Variants in MYT1L observed in about 807,000 individuals in gnomAD.
The protein encoded by MYT1L is myelin transcription factor 1 like, also known as myelin transcription factor 1-like protein.
Under a neutral mutation model 126.7 loss-of-function variants are expected in MYT1L, and 12 were observed. The observed-to-expected ratio is 0.09, with a 90% CI of 0.06 to 0.15. The LOEUF (loss-of-function observed/expected upper bound fraction) is 0.15. MYT1L is among the 10% of genes least tolerant of loss of function. The pLI, the probability that MYT1L is intolerant of heterozygous loss-of-function variation, is 1.00. For missense variants in MYT1L, 979 were observed against 1,585.2 expected (o/e 0.62, Z 6.49); for synonymous variants, 541 against 604.2 (o/e 0.90, Z 1.53).
chr2:1,943,379 T>C lies in MYT1L; in HGVS notation c.153-45A>G. ...AGGCAGGGGAGAGAGAGAAAAAAAA[T>C]ATCTGTGTTACTGTCTTTTAAAATC... is the stretch of plus-strand genomic sequence containing the variant. On this transcript the variant is annotated intron_variant, in intron 8 of 24. Transcript: ENST00000647738. The surrounding 1 kb of genome is among the most constrained non-coding windows in gnomAD (Gnocchi z 4.4). 2.0e-6 allele frequency: 3 copies of C among 1,482,330 alleles called. No homozygotes were observed. Among genetic ancestry groups the C allele is most frequent in the Non-Finnish European group, 2.7e-6 (3 of 1,118,586 alleles). The allele number at this position is 1,482,330 out of a possible 1,614,324, so 91.8% of individuals were successfully genotyped here. A position where few individuals can be genotyped will look rare whatever the true frequency, so the allele number is the denominator to read the frequency against.
chr2:2,207,300 A>G (rs2093355692), intron 2 of MYT1L, among the ~76,000 whole-genome samples: 1 of 152,182 alleles, frequency 6.6e-6, no homozygotes, highest in African/African-American at 2.4e-5. Flanking sequence ...TATAAAACAC[A>G]CATATAATGC....
chr2:1,883,985 T>C (rs2047886477), intron 18 of MYT1L: 1 of 152,248 alleles, frequency 6.6e-6, no homozygotes, highest in Non-Finnish European at 1.5e-5. Context: ...TGTTTGCTGC[T>C]TTGGGTAAGA....
At chr2:1,896,351 A>C in intron 14 of MYT1L, among the ~76,000 whole-genome samples, 1 of 152,220 alleles carries the variant, frequency 6.6e-6, no homozygotes, top group East Asian at 1.9e-4. Flanking sequence ...CCCAAATGAA[A>C]ATAGATCGTT....
intron 18 of MYT1L, among the ~76,000 whole-genome samples, chr2:1,874,840 G>A (rs972025253): frequency 1.3e-5 from 2 of 152,174 alleles, no homozygotes; most frequent in Non-Finnish European, 2.9e-5. Context: ...CTAGGGCAAC[G>A]GGATTTTCAG....
chr2:2,168,679 T>C (rs981338926), intron 3 of MYT1L, among the ~76,000 whole-genome samples: 6 of 152,272 alleles, frequency 3.9e-5, no homozygotes, highest in South Asian at 2.1e-4. Context: ...CTGAAGTGCT[T>C]TGGATAAAAG....
rs117664345 is a variant in MYT1L, at chr2:2,144,810, C to T, written c.-304+28062G>A. Among the ~76,000 whole-genome samples the T allele has an allele frequency of 4.3e-4, 65 of 152,310 alleles. 1 individual carries two copies. In the East Asian group the frequency reaches 9.5e-3, roughly 22 times the overall value. On this transcript the variant is annotated intron_variant, in intron 3 of 24. Coordinates refer to ENST00000647738, the MANE Select transcript of MYT1L (RefSeq NM_001303052.2). The stretch of plus-strand genomic sequence containing the variant: ...TCACAGGCTAGCCAGCATCTTTCTG[C>T]GGCTCTCATCATGTAAAATCCCGTT...
intron 1 of MYT1L, among the ~76,000 whole-genome samples, chr2:2,306,992 AG>A (rs1360557949): frequency 1.2e-4 from 18 of 152,320 alleles, no homozygotes; most frequent in African/African-American, 4.1e-4. Context: ...TATGTGGAAA[AG>A]TGGCATTTTA....
chr2:1,814,263 C>A (rs912026102), intron 21 of MYT1L, among the ~76,000 whole-genome samples: 1 of 152,112 alleles, frequency 6.6e-6, no homozygotes, highest in East Asian at 2.0e-4. Context: ...ACTGACCTCC[C>A]AACTCTTTAC....
chr2:1,962,580 T>G (rs1174639554), intron 8 of MYT1L, among the ~76,000 whole-genome samples: 2 of 152,166 alleles, frequency 1.3e-5, no homozygotes, highest in Non-Finnish European at 1.5e-5. Context: ...AAGAAAGATT[T>G]CTCTGTAGCA....
At chr2:2,261,170 T>C (rs566784113) in intron 2 of MYT1L, among the ~76,000 whole-genome samples, 2 of 151,618 alleles carry the variant, frequency 1.3e-5, no homozygotes, top group Admixed American at 1.3e-4. Flanking sequence ...TGTGTGTGTA[T>C]GTGTTTCCAA....
intron 19 of MYT1L, among the ~76,000 whole-genome samples, chr2:1,849,462 C>T (rs1234491107): frequency 6.6e-6 from 1 of 152,194 alleles, no homozygotes; most frequent in African/African-American, 2.4e-5. Context: ...GGTGAAGCCA[C>T]ATCAATGTCA....
intron 3 of MYT1L, among the ~76,000 whole-genome samples, chr2:2,136,841 C>A (rs149817422): frequency 0.043 from 6,544 of 151,998 alleles, 211 homozygotes; most frequent in Non-Finnish European, 0.066. Flanking sequence ...CTGGCCAGGG[C>A]AATTAGGCAG....
chr2:1,908,893 A>G (rs1366487482), intron 13 of MYT1L, among the ~76,000 whole-genome samples: 3 of 152,206 alleles, frequency 2.0e-5, no homozygotes, highest in Non-Finnish European at 4.4e-5. Flanking sequence ...TTGAGGAGTT[A>G]TCTCTTGATA....
chr2:1,858,936 T>C (rs1434152694), intron 18 of MYT1L, among the ~76,000 whole-genome samples: 2 of 152,192 alleles, frequency 1.3e-5, no homozygotes, highest in African/African-American at 2.4e-5. Context: ...CCGAATTCCC[T>C]TTCCCAAAGC....
At chr2:2,197,772 G>A (rs115942561) in intron 2 of MYT1L, among the ~76,000 whole-genome samples, 2,462 of 137,456 alleles carry the variant, frequency 0.018, 65 homozygotes, top group African/African-American at 0.063. Context: ...CACAATGAAT[G>A]TGTAGAGATG....
chr2:2,069,333 T>G (rs965967952), intron 3 of MYT1L, among the ~76,000 whole-genome samples: 5 of 152,192 alleles, frequency 3.3e-5, no homozygotes, highest in Non-Finnish European at 7.4e-5. Context: ...TTTGGTTTTC[T>G]GTTCTTGTGT....
chr2:2,204,332 G>A (rs1036500667), intron 2 of MYT1L, among the ~76,000 whole-genome samples: 21 of 151,344 alleles, frequency 1.4e-4, no homozygotes, highest in South Asian at 1.3e-3. Flanking sequence ...GCAACCTACA[G>A]AATGGGAGAA....
chr2:2,278,324 A>G (rs1225360304), intron 2 of MYT1L, among the ~76,000 whole-genome samples: 2 of 152,246 alleles, frequency 1.3e-5, no homozygotes, highest in Non-Finnish European at 2.9e-5. Context: ...TCAGACTTTC[A>G]AACATAGAAA....
chr2:1,830,022 T>C (rs553562865), intron 21 of MYT1L, among the ~76,000 whole-genome samples: 3 of 152,336 alleles, frequency 2.0e-5, no homozygotes, highest in East Asian at 3.9e-4. Context: ...GTGCCCCAGA[T>C]GTGCAGGAAG....
Sources: gnomAD v4.1 joint callset for allele counts (sites outside exome capture counted in the v4.1 genomes callset) on GRCh38, gnomAD v4.1.1 for gene constraint, Gnocchi (gnomAD v3.1) non-coding constraint, MANE v1.5 for transcripts, NCBI Gene and HGNC (gene_info 2026-07-23, HGNC 2026-07-21) for gene names.